PRUNE2: variants seen among roughly 807,000 people sequenced by gnomAD.
PRUNE2 encodes the protein protein prune homolog 2.
A neutral mutation model predicts 252.0 loss-of-function variants in PRUNE2; 164 were observed. That is an observed-to-expected ratio of 0.65 (90% CI 0.57 to 0.74). The LOEUF is 0.74. Among genes scored for constraint, PRUNE2 ranks in the 30% least tolerant of loss-of-function variants. The pLI is 0.00. For synonymous variants in PRUNE2, 1,292 were observed against 1,350.2 expected (o/e 0.96, Z 0.94); for missense variants, 3,495 against 3,711.0 (o/e 0.94, Z 1.51).
At chr9:76,860,254 A>G (rs2060479483) in intron 1 of PRUNE2, among the ~76,000 whole-genome samples, 1 of 152,216 alleles carries the variant, frequency 6.6e-6, no homozygotes, top group Non-Finnish European at 1.5e-5. Context: ...GAAGTTATCG[A>G]TCTTGTGACT....
intron 9 of PRUNE2, among the ~76,000 whole-genome samples, chr9:76,689,252 T>C (rs1340080831): frequency 6.6e-6 from 1 of 152,202 alleles, no homozygotes; most frequent in Non-Finnish European, 1.5e-5. Context: ...CAAATGCATA[T>C]GAGTTTAAGG....
At chr9:76,738,715 G>A (rs2049301457) in intron 6 of PRUNE2, 1 of 152,198 alleles carries the variant, frequency 6.6e-6, no homozygotes, top group South Asian at 2.1e-4. Flanking sequence ...AGTCATGAGA[G>A]TTGAGGGATG....
intron 4 of PRUNE2, among the ~76,000 whole-genome samples, chr9:76,841,292 T>G (rs1387203570): frequency 1.3e-5 from 2 of 152,194 alleles, no homozygotes; most frequent in African/African-American, 4.8e-5. Context: ...GCCCAAATAC[T>G]ATGCTTTTGC....
At chr9:76,639,417 C>T (rs557516867) in intron 12 of PRUNE2, among the ~76,000 whole-genome samples, 4 of 152,104 alleles carry the variant, frequency 2.6e-5, no homozygotes, top group African/African-American at 7.2e-5. Flanking sequence ...CTTAAGCCTG[C>T]GAGGCAGAGG....
intron 4 of PRUNE2, among the ~76,000 whole-genome samples, chr9:76,838,912 T>C (rs938847273): frequency 1.3e-5 from 2 of 152,158 alleles, no homozygotes; most frequent in African/African-American, 4.8e-5. Context: ...TATACACATG[T>C]TTTGCATTCT....
At chr9:76,763,805 CATGGGGAAGA>C (rs895853659) in intron 6 of PRUNE2, among the ~76,000 whole-genome samples, 1 of 151,620 alleles carries the variant, frequency 6.6e-6, no homozygotes, top group Non-Finnish European at 1.5e-5. Flanking sequence ...CATGGGGAAG[CATGGGGAAGA>C]GGGAGCTTTC....
At chr9:76,797,060 A>G (rs1018814952) in intron 6 of PRUNE2, among the ~76,000 whole-genome samples, 1 of 146,378 alleles carries the variant, frequency 6.8e-6, no homozygotes, top group Non-Finnish European at 1.5e-5. Context: ...CAAGCATTTA[A>G]CAGTGTTACT....
rs2063479787 is a variant in PRUNE2 at position 76,906,107 on chromosome 9, C to A, written c.-144G>T. On this transcript the variant is annotated 5_prime_UTR_variant, in exon 1 of 19. Coordinates refer to ENST00000376718, the MANE Select transcript of PRUNE2 (RefSeq NM_015225.3). ...CCCTCCTGCCGCTCTGAGGCGGCTG[C>A]GGCGGAGGCTGTGCTTGCGCCCTCG... The A allele has an allele frequency of 2.2e-6, 2 of 889,508 alleles. No individual in the cohort carries two copies. Among genetic ancestry groups the A allele is most frequent in the East Asian group, 2.6e-5 (1 of 38,954 alleles). 55.1% of individuals were successfully genotyped at this position (889,508 alleles called of 1,614,324 possible).
chr9:76,727,710 CTTTTTTTTTT>C (rs373565657), intron 6 of PRUNE2, among the ~76,000 whole-genome samples: 6 of 42,902 alleles, frequency 1.4e-4, no homozygotes, highest in Admixed American at 8.6e-4. Flanking sequence ...GTAAACAGGG[CTTTTTTTTTT>C]TTTTTTTTTT....
At position 76,905,987 on chromosome 9, in the gene PRUNE2, C is replaced by T. The variant is rs760739434; in HGVS notation, c.-24G>A. 1.8e-5 allele frequency: 29 copies of T among 1,613,714 alleles called. No individual in the cohort carries two copies. The South Asian group carries it at 2.6e-4, about 15-fold the overall frequency. Reference sequence around the variant, plus strand: ...ATGTCGTGGCTAGGGGTTTGGAACCCGGGTACTCGGAGGGGCGCAGTGGAA... The same window carrying T: ...ATGTCGTGGCTAGGGGTTTGGAACCTGGGTACTCGGAGGGGCGCAGTGGAA... On this transcript the variant is annotated 5_prime_UTR_variant, in exon 1 of 19. Transcript: ENST00000376718.
intron 1 of PRUNE2, among the ~76,000 whole-genome samples, chr9:76,888,902 G>A (rs891971989): frequency 6.6e-6 from 1 of 152,008 alleles, no homozygotes; most frequent in Non-Finnish European, 1.5e-5. Context: ...AAGTGCAGTG[G>A]CATGATCTCC....
chr9:76,650,452 G>A (rs186544126), intron 11 of PRUNE2, among the ~76,000 whole-genome samples: 46 of 152,102 alleles, frequency 3.0e-4, no homozygotes, highest in African/African-American at 7.0e-4. Context: ...CAAAATGGTC[G>A]CGTGAGAAAC....
intron 4 of PRUNE2, among the ~76,000 whole-genome samples, chr9:76,844,678 T>C (rs1051833839): frequency 6.6e-6 from 1 of 152,136 alleles, no homozygotes; most frequent in Non-Finnish European, 1.5e-5. Flanking sequence ...AAGCCCCCTA[T>C]GTCTTCTACC....
intron 6 of PRUNE2, chr9:76,748,776 T>C (rs1588999389): frequency 6.6e-6 from 1 of 152,088 alleles, no homozygotes; most frequent in South Asian, 2.1e-4. Context: ...GCATTTCAGG[T>C]GGATGGAATA....
At chr9:76,874,922 T>G (rs1301260726) in intron 1 of PRUNE2, among the ~76,000 whole-genome samples, 1 of 152,174 alleles carries the variant, frequency 6.6e-6, no homozygotes, top group Non-Finnish European at 1.5e-5. Context: ...AGTAACAAAT[T>G]ATAAAACAAT....
rs531202743 is a variant in PRUNE2, at chr9:76,895,266, G to A, written c.36+10662C>T. On this transcript the variant is annotated intron_variant, in intron 1 of 18. Transcript: ENST00000376718. Reference sequence around the variant, plus strand: ...TGGTCATTGCTGTGCCTCCTCTGGAGTCAAGAACCAGATTTAGTTCTCCAC... The same window carrying A: ...TGGTCATTGCTGTGCCTCCTCTGGAATCAAGAACCAGATTTAGTTCTCCAC... 2.0e-5 allele frequency among the ~76,000 whole-genome samples: 3 copies of A among 152,266 alleles called. No individual in the cohort carries two copies. In the South Asian group the frequency reaches 6.2e-4, roughly 32 times the overall value.
chr9:76,837,773 AT>A (rs72342125), intron 4 of PRUNE2, among the ~76,000 whole-genome samples: 62,744 of 137,844 alleles, frequency 0.46, 14,166 homozygotes, highest in African/African-American at 0.57. Flanking sequence ...ACCAAATACT[AT>A]TTTTTTTTTT....
chr9:76,903,378 A>G (rs977126213), intron 1 of PRUNE2, among the ~76,000 whole-genome samples: 1 of 152,054 alleles, frequency 6.6e-6, no homozygotes, highest in African/African-American at 2.4e-5. Flanking sequence ...CAAATAGGAA[A>G]AAAAAAAACC....
chr9:76,701,551 T>C (rs1159747967), intron 9 of PRUNE2, among the ~76,000 whole-genome samples: 1 of 152,030 alleles, frequency 6.6e-6, no homozygotes, highest in Non-Finnish European at 1.5e-5. Context: ...GCTCAATCTA[T>C]AACAATGCCA....
Sources: allele counts gnomAD v4.1 joint callset (sites outside exome capture counted in the v4.1 genomes callset), GRCh38; gene constraint gnomAD v4.1.1; transcripts MANE v1.5; gene names NCBI Gene and HGNC (gene_info 2026-07-23, HGNC 2026-07-21).